The following PPARG variants were observed in gnomAD, a reference collection of about 807,000 sequenced individuals.
The protein encoded by PPARG is peroxisome proliferator-activated receptor gamma.
PPARG carries 17 observed loss-of-function variants against 39.2 expected under a neutral mutation model. The observed-to-expected ratio is 0.43, with a 90% CI of 0.30 to 0.65. The LOEUF is 0.65. PPARG is among the 30% of genes least tolerant of loss of function. The probability of loss-of-function intolerance (pLI) is 0.13; values close to 1 mark genes in which losing one functional copy is unlikely to be tolerated. For missense variants in PPARG, 406 were observed against 585.9 expected (o/e 0.69, Z 3.17); for synonymous variants, 223 against 215.7 (o/e 1.03, Z -0.30).
chr3:12,371,655 C>A (rs183166853), intron 2 of PPARG, among the ~76,000 whole-genome samples: 1 of 152,274 alleles, frequency 6.6e-6, no homozygotes, highest in Non-Finnish European at 1.5e-5. Context: ...TTAAAAGTCC[C>A]ATTTTCAGCA....
At position 12,379,890 on chromosome 3, in the gene PPARG, T is replaced by C; in HGVS notation, c.179T>C (p.Val60Ala). The change falls in exon 3 of 8, where the codon GTT becomes GCT. Residue 60 changes from valine (V) to alanine (A), a missense_variant. Coordinates refer to ENST00000651735, the MANE Select transcript of PPARG (RefSeq NM_138711.6). ...CCATTCACAAGAACAGATCCAGTGG[T>C]TGCAGATTACAAGTATGACCTGAAA... is the stretch of plus-strand genomic sequence containing the variant. Reference protein sequence around the residue: ...DIPFTRTDPVVADYKYDLKLQ... With the variant: ...DIPFTRTDPVAADYKYDLKLQ... 6.2e-7 allele frequency: 1 copy of C among 1,613,590 alleles called. No homozygotes were observed. The highest frequency in any genetic ancestry group is 1.1e-5 in the South Asian group (1 of 91,082).
chr3:12,402,944 CT>C (rs2050528111), intron 5 of PPARG, among the ~76,000 whole-genome samples: 1 of 152,156 alleles, frequency 6.6e-6, no homozygotes. Flanking sequence ...CTCCTGTATA[CT>C]TTAGATCATC....
chr3:12,399,820 CAAAAAAAAA>C (rs36025945), intron 5 of PPARG, among the ~76,000 whole-genome samples: 1 of 103,276 alleles, frequency 9.7e-6, no homozygotes, highest in East Asian at 2.7e-4. Context: ...CCATGTCTAC[CAAAAAAAAA>C]AAAAAAAAAA....
intron 2 of PPARG, among the ~76,000 whole-genome samples, chr3:12,351,272 G>T (rs1441035142): frequency 6.6e-6 from 1 of 152,158 alleles, no homozygotes; most frequent in African/African-American, 2.4e-5. Flanking sequence ...CCCCTCACAA[G>T]ACACTGAACA....
At chr3:12,364,140 C>T (rs138979578) in intron 2 of PPARG, among the ~76,000 whole-genome samples, 304 of 152,274 alleles carry the variant, frequency 2.0e-3, no homozygotes, top group Non-Finnish European at 3.6e-3. Context: ...TGTATAAGGA[C>T]ACATATCCAC....
chr3:12,374,454 C>T (rs982363191), intron 2 of PPARG, among the ~76,000 whole-genome samples: 2 of 151,972 alleles, frequency 1.3e-5, no homozygotes, highest in East Asian at 3.9e-4. Context: ...CAAAAATTAG[C>T]AGGGCATGGT....
At chr3:12,371,772 G>A (rs1397227863) in intron 2 of PPARG, 2 of 571,432 alleles carry the variant, frequency 3.5e-6, no homozygotes, top group Non-Finnish European at 6.6e-6. Flanking sequence ...AGGAAACCCT[G>A]AGCAGGTCAC....
intron 2 of PPARG, among the ~76,000 whole-genome samples, chr3:12,324,418 G>A (rs2047635469): frequency 6.6e-6 from 1 of 152,144 alleles, no homozygotes; most frequent in South Asian, 2.1e-4. Context: ...TGTCAGGCAA[G>A]AATAGATGTA....
intron 2 of PPARG, among the ~76,000 whole-genome samples, chr3:12,342,240 A>G (rs1001170324): frequency 6.6e-6 from 1 of 152,238 alleles, no homozygotes; most frequent in African/African-American, 2.4e-5. Context: ...ATGATACAAC[A>G]AGAAAACAAC....
chr3:12,403,292 C>A (rs1237263787), intron 5 of PPARG, among the ~76,000 whole-genome samples: 95 of 136,094 alleles, frequency 7.0e-4, no homozygotes, highest in African/African-American at 9.3e-4. Flanking sequence ...GACCCTGTCT[C>A]AAAAAAAAAA....
chr3:12,337,397 A>G (rs2048043489), intron 2 of PPARG, among the ~76,000 whole-genome samples: 1 of 152,224 alleles, frequency 6.6e-6, no homozygotes, highest in African/African-American at 2.4e-5. Context: ...GTGGGAGGAC[A>G]GGTGGGTGTG....
At chr3:12,327,286 T>G (rs2047722105) in intron 2 of PPARG, among the ~76,000 whole-genome samples, 2 of 152,150 alleles carry the variant, frequency 1.3e-5, no homozygotes, top group Admixed American at 1.3e-4. Flanking sequence ...GGACGTAGAG[T>G]TTTCAAACCA....
chr3:12,364,444 C>T (rs1258606834), intron 2 of PPARG, among the ~76,000 whole-genome samples: 1 of 152,138 alleles, frequency 6.6e-6, no homozygotes, highest in Admixed American at 6.5e-5. Flanking sequence ...CATAGTTTAT[C>T]CACTCAGCTA....
chr3:12,379,595 A>G lies in PPARG; in HGVS notation c.-8-109A>G, dbSNP rs558735227. The stretch of plus-strand genomic sequence containing the variant: ...TTCTTTTCTGTTGTTGTGAGCGCCC[A>G]GATGAGATTACTTTGCCAAAGACTC... On this transcript the variant is annotated intron_variant, in intron 2 of 7. Transcript: ENST00000651735. 92 of 980,838 alleles carry G rather than the reference A, an allele frequency of 9.4e-5. No homozygotes were observed. In the East Asian group the frequency reaches 2.0e-3, roughly 21 times the overall value. The allele number at this position is 980,838 out of a possible 1,614,324, so 60.8% of individuals were successfully genotyped here. A position where few individuals can be genotyped will look rare whatever the true frequency, so the allele number is the denominator to read the frequency against.
intron 6 of PPARG, among the ~76,000 whole-genome samples, chr3:12,409,048 A>G (rs1487761081): frequency 6.6e-6 from 1 of 152,196 alleles, no homozygotes; most frequent in Non-Finnish European, 1.5e-5. Context: ...ATGCTTGATT[A>G]TGGGCTTTTC....
At chr3:12,390,539 A>C (rs1031397344) in intron 4 of PPARG, among the ~76,000 whole-genome samples, 3 of 147,586 alleles carry the variant, frequency 2.0e-5, no homozygotes, top group Non-Finnish European at 3.0e-5. Context: ...AGAAAACTAC[A>C]TATAGTATAA....
intron 5 of PPARG, chr3:12,399,200 G>A (rs2050376696): frequency 2.6e-6 from 1 of 378,788 alleles, no homozygotes; most frequent in African/African-American, 2.1e-5. Context: ...TGAGTTAGAA[G>A]GTGAGCTGGT....
Position 12,303,709 on chromosome 3 carries a change from C to G in PPARG, c.-82-8671C>G, listed in dbSNP as rs77273358. Reference sequence around the variant, plus strand: ...AAGCATTCTAATAACTACAGCTGTCCCATAGTGGGAAAGGATGATTTGTGA... The same window carrying G: ...AAGCATTCTAATAACTACAGCTGTCGCATAGTGGGAAAGGATGATTTGTGA... On this transcript the variant is annotated intron_variant, in intron 1 of 7. Transcript: ENST00000651735. Among the ~76,000 whole-genome samples, 699 of 152,254 alleles carry G rather than the reference C, an allele frequency of 4.6e-3. 24 individuals carry two copies. In the East Asian group the frequency reaches 0.077, roughly 17 times the overall value.
chr3:12,296,698 C>T (rs2046795673), intron 1 of PPARG, among the ~76,000 whole-genome samples: 1 of 152,306 alleles, frequency 6.6e-6, no homozygotes, highest in South Asian at 2.1e-4. Flanking sequence ...CTAATTAGAC[C>T]TTGCAACACT....
Sources: allele counts gnomAD v4.1 joint callset (sites outside exome capture counted in the v4.1 genomes callset), GRCh38; gene constraint gnomAD v4.1.1; transcripts MANE v1.5; gene names NCBI Gene and HGNC (gene_info 2026-07-23, HGNC 2026-07-21).